The following RPL14 variants were observed in gnomAD, a reference collection of about 807,000 sequenced individuals.
RPL14 encodes large ribosomal subunit protein eL14.
Under a neutral mutation model 25.3 loss-of-function variants are expected in RPL14, and 4 were observed. The ratio of observed to expected loss-of-function variants is 0.16; its 90% CI spans 0.08 to 0.36. The LOEUF (loss-of-function observed/expected upper bound fraction) is 0.36. RPL14 is among the 10% of genes least tolerant of loss of function. The pLI is 1.00. For synonymous variants in RPL14, 75 were observed against 89.8 expected (o/e 0.84, Z 0.93); for missense variants, 212 against 261.9 (o/e 0.81, Z 1.31).
At position 40,458,134 on chromosome 3, in the gene RPL14, C is replaced by T. The variant is rs1017852398; in HGVS notation, c.105+143C>T. ...ACCATTGAGGAAACAGGTAATGGTA[C>T]GGGTTTTAAGCACAGCCTGAAGTTA... On this transcript the variant is annotated intron_variant, in intron 2 of 5. Coordinates refer to ENST00000396203, the MANE Select transcript of RPL14 (RefSeq NM_001034996.3). 5.0e-5 allele frequency: 35 copies of T among 695,328 alleles called. No homozygotes were observed. In the Admixed American group the frequency reaches 5.2e-4, roughly 10 times the overall value. The allele number at this position is 695,328 out of a possible 1,614,324, so 43.1% of individuals were successfully genotyped here. A position where few individuals can be genotyped will look rare whatever the true frequency, so the allele number is the denominator to read the frequency against.
At chr3:40,459,422 TA>T (rs778269240) in intron 3 of RPL14, among the ~76,000 whole-genome samples, 2 of 152,234 alleles carry the variant, frequency 1.3e-5, no homozygotes, top group Non-Finnish European at 2.9e-5. Flanking sequence ...AGCTTACATT[TA>T]AGTGAGGCAG....
At chr3:40,458,436 T>A in intron 2 of RPL14, 1 of 582,944 alleles carries the variant, frequency 1.7e-6, no homozygotes, top group South Asian at 2.1e-5. Context: ...GAAGGAGCAT[T>A]TAATGATGTG....
Position 40,458,840 on chromosome 3 carries a change from A to G in RPL14, c.200+104A>G. The G allele has an allele frequency of 1.7e-5, 14 of 847,488 alleles. No individual in the cohort carries two copies. The South Asian group carries it at 1.9e-4, about 11-fold the overall frequency. The allele number at this position is 847,488 out of a possible 1,614,324, so 52.5% of individuals were successfully genotyped here. The stretch of plus-strand genomic sequence containing the variant: ...TACGGAAGATTCAGAGCCATCCTGA[A>G]GAGGGATTTGCATCATAGAAGTAGA... On this transcript the variant is annotated intron_variant, in intron 3 of 5. Coordinates refer to ENST00000396203, the MANE Select transcript of RPL14 (RefSeq NM_001034996.3).
At chr3:40,458,129 TG>T in intron 2 of RPL14, 138 bp downstream of exon 2, 1 of 711,920 alleles carries the variant, frequency 1.4e-6, no homozygotes, top group Non-Finnish European at 2.4e-6. Flanking sequence ...AAACAGGTAA[TG>T]GTACGGGTTT....
Position 40,462,173 on chromosome 3 carries a change from G to A in RPL14, c.589G>A (p.Gly197Ser), listed in dbSNP as rs554565679. Residue 197 changes from glycine to serine, a missense_variant, in exon 6 of 6, where the codon GGT becomes AGT. Gly to Ser is a moderately conservative substitution (Grantham distance 56, BLOSUM62 0). This residue lies in a region of RPL14 where 66 missense variants were observed against 62.6 expected (regional missense o/e 1.05). Transcript: ENST00000396203. The part of the protein sequence containing the change: ...KAAPAPKAQK[G>S]QKAPAQKAPA... ...AGCGCCTGCTCCAAAAGCTCAGAAG[G>A]GTCAAAAAGCTCCAGCCCAGAAAGC... 692 of 1,610,460 alleles carry A rather than the reference G, an allele frequency of 4.3e-4. 10 individuals are homozygous for A. In the South Asian group the frequency reaches 6.9e-3, roughly 16 times the overall value.
Position 40,466,324 on chromosome 3 carries a change from T to C in RPL14, c.*4092T>C, listed in dbSNP as rs1000280579. ...CAGGTGCATAAAAGTCTACTTTGAT[T>C]ATGGAGAACTACACACTTGTTCAGT... On this transcript the variant is annotated 3_prime_UTR_variant, in exon 6 of 6. Coordinates refer to ENST00000396203, the MANE Select transcript of RPL14 (RefSeq NM_001034996.3). 1 of 151,716 alleles carries C rather than the reference T, an allele frequency of 6.6e-6. No homozygotes were observed. Among genetic ancestry groups the C allele is most frequent in the African/African-American group, 2.4e-5 (1 of 41,238 alleles). The allele number at this position is 151,716 out of a possible 1,614,324, so 9.4% of individuals were successfully genotyped here.
intron 2 of RPL14, 82 bp from the exon 3 acceptor site, chr3:40,458,560 G>C: frequency 9.4e-7 from 1 of 1,061,942 alleles, no homozygotes; most frequent in South Asian, 1.3e-5. Flanking sequence ...GGCCCTGAAC[G>C]GATAAGTAAT....
At chr3:40,461,336 C>A in intron 3 of RPL14, 71 bp from the exon 4 acceptor site, 1 of 1,291,782 alleles carries the variant, frequency 7.7e-7, no homozygotes, top group Non-Finnish European at 1.1e-6. Flanking sequence ...TTTCAAGGAA[C>A]AAAGAAAGTG....
At position 40,466,873 on chromosome 3, in the gene RPL14, A is replaced by AT. The variant is rs985722640; in HGVS notation, c.*4645dup. On this transcript the variant is annotated 3_prime_UTR_variant, in exon 6 of 6. Transcript: ENST00000396203. ...GTAATTGGCATGTCCTCTAATTCATATTTTCCCCCCTCATCTGTTGGGTGA... is the reference window on the plus strand; with the variant it reads ...GTAATTGGCATGTCCTCTAATTCATATTTTTCCCCCCTCATCTGTTGGGTGA... 6.6e-6 allele frequency: 1 copy of AT among 151,934 alleles called. No individual in the cohort carries two copies. Among genetic ancestry groups the AT allele is most frequent in the East Asian group, 1.9e-4 (1 of 5,172 alleles). 9.4% of individuals were successfully genotyped at this position (151,934 alleles called of 1,614,324 possible).
chr3:40,458,900 G>A lies in RPL14; in HGVS notation c.200+164G>A, dbSNP rs977573298. ...TTTACTTTTAAAATGTCTTGCCTGC[G>A]CGTGATAGCTCATGCCTGTAATCCC... On this transcript the variant is annotated intron_variant, in intron 3 of 5. Coordinates refer to ENST00000396203, the MANE Select transcript of RPL14 (RefSeq NM_001034996.3). 38 of 626,760 alleles carry A rather than the reference G, an allele frequency of 6.1e-5. No individual in the cohort carries two copies. In the Middle Eastern group the frequency reaches 7.6e-4, roughly 13 times the overall value. 38.8% of individuals were successfully genotyped at this position (626,760 alleles called of 1,614,324 possible). A position where few individuals can be genotyped will look rare whatever the true frequency, so the allele number is the denominator to read the frequency against.
Position 40,464,194 on chromosome 3 carries a change from A to AGGT in RPL14, c.*1964_*1966dup, listed in dbSNP as rs1369551437. On this transcript the variant is annotated 3_prime_UTR_variant, in exon 6 of 6. Coordinates refer to ENST00000396203, the MANE Select transcript of RPL14 (RefSeq NM_001034996.3). ...AGACTGGTCTTGAACTCCTGACCTC[A>AGGT]GGTGATCTGTCCGCCTTGGCCTCCC... The AGGT allele has an allele frequency of 1.8e-5, 6 of 329,024 alleles. No individual in the cohort carries two copies. The highest frequency in any genetic ancestry group is 1.3e-4 in the African/African-American group (6 of 46,504). 20.4% of individuals were successfully genotyped at this position (329,024 alleles called of 1,614,324 possible).
In RPL14 at chr3:40,462,450, C is replaced by A. The variant is rs989901268; in HGVS notation, c.*218C>A. 1.3e-5 allele frequency: 6 copies of A among 447,606 alleles called. No individual in the cohort carries two copies. In the Admixed American group the frequency reaches 2.6e-4, roughly 19 times the overall value. The allele number at this position is 447,606 out of a possible 1,614,324, so 27.7% of individuals were successfully genotyped here. ...GGACTGCAGTGGCGCTATCTCGGCT[C>A]ACTGTAAGTTCCACCTCCCGGGTTC... On this transcript the variant is annotated 3_prime_UTR_variant, in exon 6 of 6. Transcript: ENST00000396203.
rs1032929507 is a variant in RPL14, at chr3:40,467,996, T to C, written c.*5764T>C. On this transcript the variant is annotated 3_prime_UTR_variant, in exon 6 of 6. Coordinates refer to ENST00000396203, the MANE Select transcript of RPL14 (RefSeq NM_001034996.3). ...CCACCACACCTGGCTAATGTTTGTATTGTTAGTAGATACAGGGTTTCACCC... is the reference window on the plus strand; with the variant it reads ...CCACCACACCTGGCTAATGTTTGTACTGTTAGTAGATACAGGGTTTCACCC... 2.6e-5 allele frequency: 4 copies of C among 152,126 alleles called. No individual in the cohort carries two copies. The highest frequency in any genetic ancestry group is 5.9e-5 in the Non-Finnish European group (4 of 68,050). The allele number at this position is 152,126 out of a possible 1,614,324, so 9.4% of individuals were successfully genotyped here. A position where few individuals can be genotyped will look rare whatever the true frequency, so the allele number is the denominator to read the frequency against.
rs969013703 is a variant in RPL14, at chr3:40,462,881, G to C, written c.*649G>C. 1.1e-4 allele frequency: 16 copies of C among 152,086 alleles called. No individual in the cohort carries two copies. Among genetic ancestry groups the C allele is most frequent in the Non-Finnish European group, 2.4e-4 (16 of 68,022 alleles). 9.4% of individuals were successfully genotyped at this position (152,086 alleles called of 1,614,324 possible). On this transcript the variant is annotated 3_prime_UTR_variant, in exon 6 of 6. Coordinates refer to ENST00000396203, the MANE Select transcript of RPL14 (RefSeq NM_001034996.3). ...TATGTTTGCCATAAATAGGTAAAGTGACAGCCTCTTGATGCTCAAGAGTCT... is the reference window on the plus strand; with the variant it reads ...TATGTTTGCCATAAATAGGTAAAGTCACAGCCTCTTGATGCTCAAGAGTCT...
At chr3:40,461,298 C>T in intron 3 of RPL14, 109 bp from the exon 4 acceptor site, 1 of 808,178 alleles carries the variant, frequency 1.2e-6, no homozygotes, top group East Asian at 2.6e-5. Flanking sequence ...ACATAGTGTA[C>T]CAGGTGTTGT....
At position 40,461,504 on chromosome 3, in the gene RPL14, A is replaced by C; in HGVS notation, c.298A>C (p.Arg100=). The change falls in exon 4 of 6, where the codon AGG becomes CGG. Residue 100 remains arginine (R), a splice_region_variant and synonymous_variant. Transcript: ENST00000396203. The part of the protein sequence containing the change: ...RWAKKIEARE[R]KAKMTDFDRF... ...GGCCAAGAAGATTGAAGCCAGAGAA[A>C]GGGTAATAACTTAGGGTCATTTGAA... 1 of 1,613,972 alleles carries C rather than the reference A, an allele frequency of 6.2e-7. No individual in the cohort carries two copies. Among genetic ancestry groups the C allele is most frequent in the Non-Finnish European group, 8.5e-7 (1 of 1,179,892 alleles).
At chr3:40,459,727 C>T (rs1696903105) in intron 3 of RPL14, among the ~76,000 whole-genome samples, 1 of 151,908 alleles carries the variant, frequency 6.6e-6, no homozygotes, top group African/African-American at 2.4e-5. Context: ...GGCATGGTGG[C>T]GGACACCTGT....
Position 40,457,911 on chromosome 3 carries a change from G to C in RPL14, c.25G>C (p.Val9Leu), listed in dbSNP as rs1471096502. Residue 9 changes from valine to leucine, a missense_variant, in exon 2 of 6, where the codon GTT becomes CTT. By Grantham distance (32) the Val-to-Leu change is conservative. Coordinates refer to ENST00000396203, the MANE Select transcript of RPL14 (RefSeq NM_001034996.3). ...TTAGGTGTTCAGGCGCTTCGTGGAG[G>C]TTGGCCGGGTGGCCTATGTCTCCTT... Reference protein sequence around the residue: MVFRRFVEVGRVAYVSFGP... With the variant: MVFRRFVELGRVAYVSFGP... 4 of 1,614,224 alleles carry C rather than the reference G, an allele frequency of 2.5e-6. No individual in the cohort carries two copies.
At chr3:40,459,884 A>AG (rs1696909529) in intron 3 of RPL14, among the ~76,000 whole-genome samples, 2 of 142,140 alleles carry the variant, frequency 1.4e-5, no homozygotes, top group Non-Finnish European at 3.0e-5. Context: ...AAAAAAACTT[A>AG]CTGTATGCTG....
Sources: gnomAD v4.1 joint callset for allele counts (sites outside exome capture counted in the v4.1 genomes callset) on GRCh38, gnomAD v4.1.1 for gene constraint, gnomAD v4.1.1 regional missense constraint, MANE v1.5 for transcripts, NCBI Gene and HGNC (gene_info 2026-07-23, HGNC 2026-07-21) for gene names.